The following PBX3 variants were observed in gnomAD, a reference collection of about 807,000 sequenced individuals.
PBX3 encodes pre-B-cell leukemia transcription factor 3.
PBX3 carries 14 observed loss-of-function variants against 48.5 expected under a neutral mutation model. The ratio of observed to expected loss-of-function variants is 0.29; its 90% CI spans 0.19 to 0.45. PBX3 has a LOEUF of 0.45. PBX3 is among the 20% of genes least tolerant of loss of function. PBX3 has a pLI of 1.00. For missense variants in PBX3, 386 were observed against 546.7 expected, an observed-to-expected ratio of 0.71 and a Z score of 2.93; for synonymous variants, 210 against 200.3, an observed-to-expected ratio of 1.05 and a Z score of -0.41.
chr9:125,895,057 G>C (rs1840738315), intron 2 of PBX3, among the ~76,000 whole-genome samples: 1 of 152,048 alleles, frequency 6.6e-6, no homozygotes, highest in Non-Finnish European at 1.5e-5. Context: ...AAAAGTCACT[G>C]GGTTGGGATT....
chr9:125,820,788 T>C (rs1033697074), intron 2 of PBX3, among the ~76,000 whole-genome samples: 12 of 152,238 alleles, frequency 7.9e-5, no homozygotes, highest in African/African-American at 2.9e-4. Flanking sequence ...TAGTATTTTT[T>C]TGGTCACATT....
At chr9:125,917,469 C>G (rs1446101995) in intron 3 of PBX3, among the ~76,000 whole-genome samples, 1 of 152,126 alleles carries the variant, frequency 6.6e-6, no homozygotes, top group Non-Finnish European at 1.5e-5. Flanking sequence ...ATGGCATGTA[C>G]CCATCATTAT....
intron 2 of PBX3, among the ~76,000 whole-genome samples, chr9:125,812,989 C>A (rs974301411): frequency 2.0e-5 from 3 of 152,236 alleles, no homozygotes; most frequent in Middle Eastern, 3.4e-3. Flanking sequence ...ATGTTTAGGC[C>A]TAGGACATTA....
chr9:125,928,576 C>A (rs906954697), intron 3 of PBX3, among the ~76,000 whole-genome samples: 3 of 151,906 alleles, frequency 2.0e-5, no homozygotes, highest in African/African-American at 7.3e-5. Context: ...CGCCATTCTC[C>A]TGCCTCAGCC....
intron 2 of PBX3, among the ~76,000 whole-genome samples, chr9:125,770,819 C>G (rs1255792403): frequency 6.6e-6 from 1 of 152,178 alleles, no homozygotes; most frequent in Non-Finnish European, 1.5e-5. Context: ...AAAGAACCAC[C>G]TCTTTGGCAA....
Position 125,929,645 on chromosome 9 carries a change from C to T in PBX3, c.517-10C>T, listed in dbSNP as rs1420921349. 7 of 1,560,262 alleles carry T rather than the reference C, an allele frequency of 4.5e-6. No individual in the cohort carries two copies. The highest frequency in any genetic ancestry group is 1.4e-5 in the African/African-American group (1 of 71,970). ...GTTTCCAAAGGAGTGATTTTTTTTT[C>T]CCATTACAGGCATGTAATGAATTTA... On this transcript the variant is annotated splice_polypyrimidine_tract_variant and intron_variant, in intron 3 of 8. Coordinates refer to ENST00000373489, the MANE Select transcript of PBX3 (RefSeq NM_006195.6).
At chr9:125,933,024 A>T (rs1841752357) in intron 4 of PBX3, among the ~76,000 whole-genome samples, 1 of 152,194 alleles carries the variant, frequency 6.6e-6, no homozygotes, top group South Asian at 2.1e-4. Flanking sequence ...AGTGAAACTG[A>T]GGGGAAATGC....
chr9:125,866,898 T>C (rs142937006), intron 2 of PBX3, among the ~76,000 whole-genome samples: 15 of 152,294 alleles, frequency 9.8e-5, no homozygotes, highest in African/African-American at 3.6e-4. Context: ...ATTAGGCAAC[T>C]AAATTTTTTG....
intron 2 of PBX3, among the ~76,000 whole-genome samples, chr9:125,830,995 C>T (rs546756684): frequency 2.4e-4 from 36 of 152,126 alleles, no homozygotes; most frequent in African/African-American, 6.5e-4. Flanking sequence ...TTTGTATCTC[C>T]GTGCAGATTC....
intron 2 of PBX3, among the ~76,000 whole-genome samples, chr9:125,796,219 A>G (rs1213303290): frequency 6.6e-6 from 1 of 152,148 alleles, no homozygotes; most frequent in African/African-American, 2.4e-5. Context: ...GTGGATCTTC[A>G]CCTTTCTCTC....
chr9:125,770,878 T>C (rs1836923788), intron 2 of PBX3, among the ~76,000 whole-genome samples: 1 of 152,228 alleles, frequency 6.6e-6, no homozygotes, highest in South Asian at 2.1e-4. Flanking sequence ...AACATTTTCA[T>C]AAACTATCAT....
intron 2 of PBX3, among the ~76,000 whole-genome samples, chr9:125,911,933 C>A (rs747229353): frequency 1.3e-5 from 2 of 152,090 alleles, no homozygotes; most frequent in African/African-American, 4.8e-5. Context: ...ATCTTAGTTA[C>A]GTCTAATTCA....
chr9:125,808,995 A>G (rs1838208780), intron 2 of PBX3, among the ~76,000 whole-genome samples: 1 of 152,104 alleles, frequency 6.6e-6, no homozygotes. Flanking sequence ...CTTGAGTGCC[A>G]TTTTAAACAG....
intron 2 of PBX3, among the ~76,000 whole-genome samples, chr9:125,854,151 A>G (rs372990303): frequency 2.0e-5 from 3 of 152,070 alleles, no homozygotes; most frequent in African/African-American, 7.2e-5. Flanking sequence ...TTTTGTTTTG[A>G]GACAGGGTCT....
At chr9:125,808,471 T>C (rs1483700940) in intron 2 of PBX3, among the ~76,000 whole-genome samples, 1 of 152,034 alleles carries the variant, frequency 6.6e-6, no homozygotes, top group Non-Finnish European at 1.5e-5. Flanking sequence ...AGCCCAGGAA[T>C]TTGAGACCAC....
chr9:125,877,960 A>T (rs1411823580), intron 2 of PBX3, among the ~76,000 whole-genome samples: 1 of 152,154 alleles, frequency 6.6e-6, no homozygotes, highest in Non-Finnish European at 1.5e-5. Flanking sequence ...ACCATCATAT[A>T]CCGACTGCAC....
chr9:125,877,996 C>A (rs1032259141), intron 2 of PBX3, among the ~76,000 whole-genome samples: 1 of 152,096 alleles, frequency 6.6e-6, no homozygotes, highest in Non-Finnish European at 1.5e-5. Context: ...CTTTATATTC[C>A]ATTCAGTGTT....
At chr9:125,795,972 A>C (rs2132078892) in intron 2 of PBX3, among the ~76,000 whole-genome samples, 1 of 152,272 alleles carries the variant, frequency 6.6e-6, no homozygotes, top group South Asian at 2.1e-4. Flanking sequence ...AGAGACTAAG[A>C]GTCCTCTTGC....
At chr9:125,823,693 G>A (rs918398527) in intron 2 of PBX3, among the ~76,000 whole-genome samples, 1 of 152,100 alleles carries the variant, frequency 6.6e-6, no homozygotes, top group African/African-American at 2.4e-5. Context: ...TTATCTTGGG[G>A]TTTAGAAGAC....
Sources: gnomAD v4.1 joint callset for allele counts (sites outside exome capture counted in the v4.1 genomes callset) on GRCh38, gnomAD v4.1.1 for gene constraint, MANE v1.5 for transcripts, NCBI Gene and HGNC (gene_info 2026-07-23, HGNC 2026-07-21) for gene names.